The following CCDC68 variants were observed in gnomAD, a reference collection of about 807,000 sequenced individuals.
CCDC68 encodes the protein coiled-coil domain containing 68, also known as coiled-coil domain-containing protein 68.
CCDC68 carries 45 observed loss-of-function variants against 47.1 expected under a neutral mutation model. That is an observed-to-expected ratio of 0.96 (90% CI 0.75 to 1.23). The LOEUF (loss-of-function observed/expected upper bound fraction) is 1.23, where lower values mean the gene tolerates loss of function less well. CCDC68 is among the 50% of genes most tolerant of loss of function. The probability of loss-of-function intolerance (pLI) is 0.00; values close to 1 mark genes in which losing one functional copy is unlikely to be tolerated. For synonymous variants in CCDC68, 131 were observed against 129.5 expected (o/e 1.01, Z -0.08); for missense variants, 353 against 373.6 (o/e 0.94, Z 0.45).
At chr18:54,957,500 C>T (rs1387712182) in intron 1 of CCDC68, among the ~76,000 whole-genome samples, 1 of 152,096 alleles carries the variant, frequency 6.6e-6, no homozygotes, top group African/African-American at 2.4e-5. Flanking sequence ...ACTTCCCCTC[C>T]CATCTGGTTC....
At position 54,920,224 on chromosome 18, in the gene CCDC68, T is replaced by C. The variant is rs146496305; in HGVS notation, c.684-848A>G. 1.7e-5 allele frequency among the ~76,000 whole-genome samples: 2 copies of C among 120,024 alleles called. 1 individual carries two copies. The highest frequency in any genetic ancestry group is 6.3e-4 in the South Asian group (2 of 3,170). The allele number at this position is 120,024 out of a possible 152,430, so 78.7% of individuals were successfully genotyped here. On this transcript the variant is annotated intron_variant, in intron 8 of 11. Coordinates refer to ENST00000591504, the MANE Select transcript of CCDC68 (RefSeq NM_025214.3). ...TATCCAATGTCATCCCAATTCTGTT[T>C]CTTTCTTTTTTCTTTTTTTTTTTTT...
chr18:54,930,658 CCTTCCTT>C (rs2044235065), intron 7 of CCDC68, among the ~76,000 whole-genome samples: 1 of 23,044 alleles, frequency 4.3e-5, no homozygotes, highest in African/African-American at 1.3e-4. Context: ...TCCCTCCCTT[CCTTCCTT>C]CCTTCCTTCC....
At chr18:54,936,979 C>T (rs2044360607) in intron 5 of CCDC68, 21 bp from the exon 6 acceptor site, 1 of 1,613,236 alleles carries the variant, frequency 6.2e-7, no homozygotes, top group African/African-American at 1.3e-5. Flanking sequence ...GGTCACTATG[C>T]ATGTTCTGAC....
intron 7 of CCDC68, among the ~76,000 whole-genome samples, chr18:54,932,635 C>A (rs1276778268): frequency 6.6e-6 from 1 of 152,226 alleles, no homozygotes; most frequent in Admixed American, 6.5e-5. Flanking sequence ...CCTTACTAAG[C>A]CATGTGCATC....
At chr18:54,934,983 C>G (rs897421558) in intron 6 of CCDC68, 35 bp from the exon 7 acceptor site, 4 of 1,500,346 alleles carry the variant, frequency 2.7e-6, no homozygotes, top group Non-Finnish European at 3.5e-6. Context: ...TGTGAAAACT[C>G]TGTTTTTCTT....
At chr18:54,906,663 G>C (rs1335320644) in intron 11 of CCDC68, among the ~76,000 whole-genome samples, 2 of 152,124 alleles carry the variant, frequency 1.3e-5, no homozygotes, top group African/African-American at 4.8e-5. Flanking sequence ...TGCCCTCCTA[G>C]TCCAAACTTT....
At chr18:54,932,853 A>T (rs2044287113) in intron 7 of CCDC68, among the ~76,000 whole-genome samples, 1 of 152,226 alleles carries the variant, frequency 6.6e-6, no homozygotes, top group Non-Finnish European at 1.5e-5. Context: ...GAGATCTGGG[A>T]AGTTCCTTGA....
intron 11 of CCDC68, among the ~76,000 whole-genome samples, chr18:54,905,673 T>C (rs1293175010): frequency 6.6e-6 from 1 of 152,170 alleles, no homozygotes; most frequent in African/African-American, 2.4e-5. Context: ...CAATGGGCCA[T>C]ATTTTATTTT....
At chr18:54,930,667 CTT>C (rs1230907364) in intron 7 of CCDC68, among the ~76,000 whole-genome samples, 1 of 36,070 alleles carries the variant, frequency 2.8e-5, no homozygotes, top group Non-Finnish European at 6.1e-5. Flanking sequence ...TCCTTCCTTC[CTT>C]CCTTCCCTCC....
intron 1 of CCDC68, among the ~76,000 whole-genome samples, chr18:54,950,002 C>T (rs141660876): frequency 2.6e-5 from 4 of 152,286 alleles, no homozygotes; most frequent in Admixed American, 2.0e-4. Flanking sequence ...CTGATTTCAC[C>T]GGTGTCCTAG....
intron 9 of CCDC68, among the ~76,000 whole-genome samples, chr18:54,918,755 C>G (rs1442981451): frequency 1.3e-5 from 2 of 152,200 alleles, no homozygotes; most frequent in East Asian, 3.8e-4. Context: ...AACCCCAAAA[C>G]CAGATCAATG....
At chr18:54,936,393 T>C (rs1034666394) in intron 6 of CCDC68, among the ~76,000 whole-genome samples, 14 of 151,622 alleles carry the variant, frequency 9.2e-5, no homozygotes, top group African/African-American at 3.4e-4. Context: ...GTATCTATCC[T>C]AAGACCAAAA....
At chr18:54,923,420 A>G (rs2044094377) in intron 8 of CCDC68, among the ~76,000 whole-genome samples, 1 of 151,906 alleles carries the variant, frequency 6.6e-6, no homozygotes, top group Admixed American at 6.6e-5. Context: ...TGAAGGTATT[A>G]CCATAGCGTT....
At chr18:54,935,310 G>A (rs563027764) in intron 6 of CCDC68, among the ~76,000 whole-genome samples, 47 of 152,224 alleles carry the variant, frequency 3.1e-4, no homozygotes, top group African/African-American at 9.4e-4. Context: ...ATTAAAACAC[G>A]TTTTATGTTT....
At chr18:54,919,757 G>A (rs540500849) in intron 8 of CCDC68, among the ~76,000 whole-genome samples, 36 of 152,314 alleles carry the variant, frequency 2.4e-4, no homozygotes, top group Middle Eastern at 3.4e-3. Flanking sequence ...CAATAGCAGA[G>A]TCAGAACATG....
chr18:54,927,053 C>T (rs1328048974), intron 8 of CCDC68, among the ~76,000 whole-genome samples: 2 of 152,140 alleles, frequency 1.3e-5, no homozygotes, highest in African/African-American at 4.8e-5. Flanking sequence ...TAATCTTAAC[C>T]TAACAGAAAC....
At chr18:54,924,927 T>C (rs1175500259) in intron 8 of CCDC68, among the ~76,000 whole-genome samples, 1 of 152,214 alleles carries the variant, frequency 6.6e-6, no homozygotes, top group Non-Finnish European at 1.5e-5. Context: ...TGTGTTGGCA[T>C]CATGCTATTC....
At chr18:54,950,892 G>C (rs2044604911) in intron 1 of CCDC68, among the ~76,000 whole-genome samples, 1 of 114,880 alleles carries the variant, frequency 8.7e-6, no homozygotes, top group Non-Finnish European at 1.7e-5. Context: ...CCCAAATTCA[G>C]ATGTCTTTTT....
chr18:54,950,394 A>G (rs2187413), intron 1 of CCDC68, among the ~76,000 whole-genome samples: 1 of 151,970 alleles, frequency 6.6e-6, no homozygotes, highest in Non-Finnish European at 1.5e-5. Flanking sequence ...TTCTGCAGCT[A>G]CATTACACAG....
Sources: allele counts gnomAD v4.1 joint callset (sites outside exome capture counted in the v4.1 genomes callset), GRCh38; gene constraint gnomAD v4.1.1; transcripts MANE v1.5; gene names NCBI Gene and HGNC (gene_info 2026-07-23, HGNC 2026-07-21).